Variants in TG observed in about 807,000 individuals in gnomAD.
The protein encoded by TG is thyroid hormones.
TG carries 270 observed loss-of-function variants against 324.7 expected under a neutral mutation model. The observed-to-expected ratio is 0.83, with a 90% CI of 0.75 to 0.92. The LOEUF is 0.92. Among genes scored for constraint, TG ranks in the 40% least tolerant of loss-of-function variants. TG has a pLI of 0.00. For missense variants in TG, 3,591 were observed against 3,456.4 expected (o/e 1.04, Z -0.98); for synonymous variants, 1,401 against 1,327.0 (o/e 1.06, Z -1.21).
At chr8:133,097,122 G>A (rs1332356708) in intron 43 of TG, among the ~76,000 whole-genome samples, 1 of 152,222 alleles carries the variant, frequency 6.6e-6, no homozygotes, top group African/African-American at 2.4e-5. Flanking sequence ...CTCTGGGCGT[G>A]GGTGGAGTGC....
intron 45 of TG, among the ~76,000 whole-genome samples, chr8:133,121,962 TTCTC>T (rs145004035): frequency 2.0e-5 from 3 of 150,598 alleles, no homozygotes; most frequent in Non-Finnish European, 3.0e-5. Context: ...ACATCTCTCT[TTCTC>T]TCTCTCTCTC....
intron 26 of TG, among the ~76,000 whole-genome samples, chr8:132,944,112 G>T (rs1368300286): frequency 6.6e-6 from 1 of 152,016 alleles, no homozygotes; most frequent in African/African-American, 2.4e-5. Context: ...CGATCTCAGT[G>T]AAGGGCACCT....
chr8:133,012,616 C>T (rs542473396), intron 36 of TG, among the ~76,000 whole-genome samples: 2 of 152,286 alleles, frequency 1.3e-5, no homozygotes, highest in South Asian at 4.1e-4. Flanking sequence ...AGGGAGACAT[C>T]AGATAACATT....
At chr8:133,089,048 A>T (rs1847070276) in intron 41 of TG, among the ~76,000 whole-genome samples, 1 of 152,212 alleles carries the variant, frequency 6.6e-6, no homozygotes, top group South Asian at 2.1e-4. Flanking sequence ...CCTTGGTGGC[A>T]CCTTCCAGGT....
At chr8:133,018,937 C>T (rs1201852996) in intron 38 of TG, among the ~76,000 whole-genome samples, 2 of 152,162 alleles carry the variant, frequency 1.3e-5, no homozygotes, top group Non-Finnish European at 2.9e-5. Flanking sequence ...CATGGATTTC[C>T]ATCTGCTCCA....
chr8:132,948,639 C>T, intron 26 of TG, 137 bp from the exon 27 acceptor site: 1 of 994,608 alleles, frequency 1.0e-6, no homozygotes, highest in Non-Finnish European at 1.6e-6. Flanking sequence ...AAACCAGGCT[C>T]TTGAATTCTA....
intron 39 of TG, among the ~76,000 whole-genome samples, chr8:133,021,244 G>C (rs1301343535): frequency 6.6e-6 from 1 of 152,190 alleles, no homozygotes; most frequent in East Asian, 1.9e-4. Context: ...CTGGCTCCTA[G>C]TAAGTGCATA....
intron 27 of TG, among the ~76,000 whole-genome samples, chr8:132,953,245 G>T (rs1220844114): frequency 6.6e-6 from 1 of 152,200 alleles, no homozygotes; most frequent in Non-Finnish European, 1.5e-5. Context: ...AGGTGAGTTT[G>T]TGGGGAGCCC....
intron 38 of TG, 38 bp downstream of exon 38, chr8:133,018,035 G>C (rs761874763): frequency 6.3e-7 from 1 of 1,595,274 alleles, no homozygotes; most frequent in Admixed American, 1.7e-5. Flanking sequence ...TAAATGCTCA[G>C]AGAAATCTCC....
intron 26 of TG, among the ~76,000 whole-genome samples, chr8:132,942,793 T>C (rs1824643017): frequency 6.6e-6 from 1 of 152,064 alleles, no homozygotes; most frequent in Non-Finnish European, 1.5e-5. Flanking sequence ...AAGAGGAAGG[T>C]CAGGGAAGGC....
chr8:133,097,029 G>T (rs993936872), intron 43 of TG, among the ~76,000 whole-genome samples: 1 of 152,184 alleles, frequency 6.6e-6, no homozygotes, highest in Non-Finnish European at 1.5e-5. Context: ...CCCTGCCTTG[G>T]ACAAGCTACT....
chr8:133,001,587 G>A (rs527640873), intron 35 of TG, among the ~76,000 whole-genome samples: 45 of 152,274 alleles, frequency 3.0e-4, no homozygotes, highest in Admixed American at 9.8e-4. Context: ...ACAAACATAG[G>A]CCACTATGTC....
At chr8:132,955,757 C>T (rs1826770916) in intron 27 of TG, among the ~76,000 whole-genome samples, 1 of 152,226 alleles carries the variant, frequency 6.6e-6, no homozygotes, top group Non-Finnish European at 1.5e-5. Context: ...CTAGAGTGTG[C>T]TTTTCCGTTT....
At position 132,888,400 on chromosome 8, in the gene TG, C is replaced by T. The variant is rs756965267; in HGVS notation, c.2593C>T (p.Pro865Ser). 2.0e-5 allele frequency: 33 copies of T among 1,613,892 alleles called. No individual in the cohort carries two copies. The highest frequency in any genetic ancestry group is 5.0e-5 in the Admixed American group (3 of 59,990). Residue 865 changes from proline (P) to serine (S), a missense_variant, in exon 10 of 48, where the codon CCC (proline) becomes TCC (serine). By Grantham distance (74) the Pro-to-Ser change is moderately conservative. Coordinates refer to ENST00000220616, the MANE Select transcript of TG (RefSeq NM_003235.5). Reference sequence around the variant, plus strand: ...GCCCAGGGAGAATATCCTCCTGGAGCCCTACCTCTTCTGGCAGATCTTAAA... The same window carrying T: ...GCCCAGGGAGAATATCCTCCTGGAGTCCTACCTCTTCTGGCAGATCTTAAA... Reference protein sequence around the residue: ...PQPRENILLEPYLFWQILNGQ... With the variant: ...PQPRENILLESYLFWQILNGQ...
intron 41 of TG, among the ~76,000 whole-genome samples, chr8:133,051,183 C>T (rs969243985): frequency 6.6e-6 from 1 of 152,182 alleles, no homozygotes; most frequent in Non-Finnish European, 1.5e-5. Context: ...GATCCAAAGG[C>T]TGTGAGATGA....
At chr8:133,110,519 A>C (rs1019824087) in intron 43 of TG, among the ~76,000 whole-genome samples, 1 of 152,226 alleles carries the variant, frequency 6.6e-6, no homozygotes, top group African/African-American at 2.4e-5. Context: ...TACACATAGC[A>C]TTTTTTAAAT....
chr8:132,881,927 T>C lies in TG; in HGVS notation c.703T>C (p.Cys235Arg), dbSNP rs1035049373. Residue 235 changes from cysteine to arginine, a missense_variant, in exon 6 of 48, where the codon TGC becomes CGC. Coordinates refer to ENST00000220616, the MANE Select transcript of TG (RefSeq NM_003235.5). ...QRRFPEVSGY[C>R]HCADSQGREL... ...GAGGTTCCCTGAGGTATCTGGGTAT[T>C]GCCACTGTGCTGACAGCCAAGGGCG... is the stretch of plus-strand genomic sequence containing the variant. 6.2e-7 allele frequency: 1 copy of C among 1,614,058 alleles called. No homozygotes were observed. Among genetic ancestry groups the C allele is most frequent in the African/African-American group, 1.3e-5 (1 of 74,934 alleles).
At chr8:133,059,316 T>C (rs1842027219) in intron 41 of TG, 2 of 360,514 alleles carry the variant, frequency 5.5e-6, no homozygotes, top group African/African-American at 2.1e-5. Flanking sequence ...ATGAGAATTA[T>C]GGACTAGGAA....
In TG at chr8:133,095,033, T is replaced by G. The variant is rs745939559; in HGVS notation, c.7240-11T>G. ...CTGAACCATCTGCCCTGAGCCTGCT[T>G]TCTCTTCCAGGGAGGCTCCGCACTC... is the stretch of plus-strand genomic sequence containing the variant. On this transcript the variant is annotated splice_polypyrimidine_tract_variant and intron_variant, in intron 41 of 47. Transcript: ENST00000220616. 3.1e-6 allele frequency: 5 copies of G among 1,613,148 alleles called. No individual in the cohort carries two copies. The Admixed American group carries it at 8.3e-5, about 27-fold the overall frequency.
Sources: allele counts gnomAD v4.1 joint callset (sites outside exome capture counted in the v4.1 genomes callset), GRCh38; gene constraint gnomAD v4.1.1; transcripts MANE v1.5; gene names NCBI Gene and HGNC (gene_info 2026-07-23, HGNC 2026-07-21).